The following PDE4B variants were observed in gnomAD, a reference collection of about 807,000 sequenced individuals.
The protein encoded by PDE4B is phosphodiesterase 4B.
PDE4B carries 20 observed loss-of-function variants against 82.2 expected under a neutral mutation model. That is an observed-to-expected ratio of 0.24 (90% CI 0.17 to 0.35). PDE4B has a LOEUF of 0.35. Ranked by LOEUF, PDE4B falls within the 10% of genes least tolerant of loss-of-function variation. PDE4B has a pLI of 1.00. For missense variants in PDE4B, 655 were observed against 907.2 expected (o/e 0.72, Z 3.57); for synonymous variants, 320 against 318.9 (o/e 1.00, Z -0.04).
At chr1:66,147,943 T>TG (rs963629802) in intron 3 of PDE4B, among the ~76,000 whole-genome samples, 20 of 152,294 alleles carry the variant, frequency 1.3e-4, no homozygotes, top group African/African-American at 4.8e-4. Context: ...TTCTCTTCTT[T>TG]GGGGCATCAC....
intron 3 of PDE4B, among the ~76,000 whole-genome samples, chr1:66,176,893 C>G (rs1307072510): frequency 6.6e-6 from 1 of 152,190 alleles, no homozygotes; most frequent in Non-Finnish European, 1.5e-5. Flanking sequence ...CTCTTTTGCT[C>G]TCTGGTCAGT....
intron 3 of PDE4B, among the ~76,000 whole-genome samples, chr1:66,087,422 AATTTTCTCCC>A (rs910323900): frequency 5.5e-4 from 83 of 151,976 alleles, no homozygotes; most frequent in Admixed American, 1.5e-3. Flanking sequence ...AGGTTGCGAA[AATTTTCTCCC>A]ATTTTGTAGA....
intron 1 of PDE4B, among the ~76,000 whole-genome samples, chr1:65,882,953 G>C (rs1025229934): frequency 2.0e-5 from 3 of 152,086 alleles, no homozygotes; most frequent in Non-Finnish European, 2.9e-5. Flanking sequence ...ACTGAACTTG[G>C]AATTTATGTC....
chr1:65,898,095 G>A (rs774455019), intron 1 of PDE4B, among the ~76,000 whole-genome samples: 1 of 152,048 alleles, frequency 6.6e-6, no homozygotes, highest in Non-Finnish European at 1.5e-5. Context: ...TAGTGATGTT[G>A]AGCATTTATT....
At chr1:65,873,234 G>T (rs1646594701) in intron 1 of PDE4B, among the ~76,000 whole-genome samples, 1 of 152,174 alleles carries the variant, frequency 6.6e-6, no homozygotes, top group Non-Finnish European at 1.5e-5. Context: ...TTGAAGTTGT[G>T]TGTAGTGGGA....
chr1:66,350,105 G>GGCACAGAATGCATTCAGT (rs1661707784), intron 8 of PDE4B, among the ~76,000 whole-genome samples: 2 of 151,880 alleles, frequency 1.3e-5, no homozygotes, highest in South Asian at 2.1e-4. Flanking sequence ...ATGCACTGAA[G>GGCACAGAATGCATTCAGT]GCATTCTGTG....
At chr1:66,090,617 A>G (rs796212607) in intron 3 of PDE4B, among the ~76,000 whole-genome samples, 4,290 of 17,722 alleles carry the variant, frequency 0.24, 160 homozygotes, top group African/African-American at 0.33. Flanking sequence ...TATGTATATA[A>G]TATATGTGTG....
At position 66,114,515 on chromosome 1, in the gene PDE4B, C is replaced by T. The variant is rs530969080; in HGVS notation, c.282-132945C>T. Among the ~76,000 whole-genome samples the T allele has an allele frequency of 1.8e-4, 28 of 152,046 alleles. No homozygotes were observed. In the South Asian group the frequency reaches 1.9e-3, roughly 10 times the overall value. ...TTTTATTATTAGTCTGAAAAAATAA[C>T]GTAACTTATATGCAAATTATACAAG... On this transcript the variant is annotated intron_variant, in intron 3 of 16. Transcript: ENST00000341517.
chr1:65,962,225 CAAAGT>C (rs1443889660), intron 3 of PDE4B, among the ~76,000 whole-genome samples: 8 of 152,082 alleles, frequency 5.3e-5, no homozygotes, highest in Admixed American at 5.2e-4. Context: ...TATGGGTACT[CAAAGT>C]AAGGTTTCTA....
intron 3 of PDE4B, among the ~76,000 whole-genome samples, chr1:66,160,531 T>C (rs1444125063): frequency 6.6e-6 from 1 of 152,234 alleles, no homozygotes; most frequent in Non-Finnish European, 1.5e-5. Context: ...CCTTCTGCTC[T>C]GTCCAGTGCA....
chr1:66,354,913 G>A, intron 8 of PDE4B: 1 of 1,533,392 alleles, frequency 6.5e-7, no homozygotes, highest in Admixed American at 2.0e-5. Context: ...ATTTGATTGT[G>A]TTCTGTGTCT....
At chr1:66,041,608 A>G (rs936729015) in intron 3 of PDE4B, among the ~76,000 whole-genome samples, 4 of 151,890 alleles carry the variant, frequency 2.6e-5, no homozygotes, top group Non-Finnish European at 4.4e-5. Context: ...ACGGGGCTCA[A>G]TGTCCTATAG....
chr1:65,920,983 T>C (rs1280186424), intron 3 of PDE4B, among the ~76,000 whole-genome samples: 11 of 142,682 alleles, frequency 7.7e-5, no homozygotes, highest in Admixed American at 6.3e-4. Context: ...TTTTTTTTTT[T>C]TTTGAGACGG....
At position 66,042,704 on chromosome 1, in the gene PDE4B, G is replaced by A. The variant is rs934335705; in HGVS notation, c.281+123869G>A. The A allele has an allele frequency of 3.3e-5, 5 of 151,620 alleles. No homozygotes were observed. In the East Asian group the frequency reaches 5.8e-4, roughly 18 times the overall value. 9.4% of individuals were successfully genotyped at this position (151,620 alleles called of 1,614,324 possible). A position where few individuals can be genotyped will look rare whatever the true frequency, so the allele number is the denominator to read the frequency against. On this transcript the variant is annotated intron_variant, in intron 3 of 16. Transcript: ENST00000341517. ...TCAAGCAGTCTGGACTTAATAAGAC[G>A]TTTCCCTGGCATTCAAAAGTTTTTG...
At chr1:65,927,540 A>G (rs1647577977) in intron 3 of PDE4B, among the ~76,000 whole-genome samples, 1 of 149,036 alleles carries the variant, frequency 6.7e-6, no homozygotes, top group Non-Finnish European at 1.5e-5. Context: ...TATTATCTTT[A>G]TCACATCTGG....
chr1:66,056,560 T>C (rs985728243), intron 3 of PDE4B, among the ~76,000 whole-genome samples: 1 of 151,398 alleles, frequency 6.6e-6, no homozygotes, highest in Non-Finnish European at 1.5e-5. Context: ...TCTATCTATA[T>C]CCTTACTTGG....
rs139885253 is a variant in PDE4B, at chr1:66,047,260, AC to A, written c.281+128427del. Among the ~76,000 whole-genome samples the A allele has an allele frequency of 9.9e-3, 1,502 of 151,894 alleles. 28 individuals are homozygous for A. Among genetic ancestry groups the A allele is most frequent in the African/African-American group, 0.034 (1,425 of 41,476 alleles). On this transcript the variant is annotated intron_variant, in intron 3 of 16. Transcript: ENST00000341517. ...CTGCTTACTGGTTATATTCTACTTA[AC>A]CTTTATTTGCCTCAGTTTCTTCATC...
intron 15 of PDE4B, among the ~76,000 whole-genome samples, chr1:66,368,433 C>A (rs1663411168): frequency 6.6e-6 from 1 of 152,228 alleles, no homozygotes; most frequent in Non-Finnish European, 1.5e-5. Flanking sequence ...TCTCCTCTTT[C>A]CACAAGTGGA....
chr1:66,258,145 G>C (rs1654392253), intron 6 of PDE4B, among the ~76,000 whole-genome samples: 1 of 152,122 alleles, frequency 6.6e-6, no homozygotes, highest in Non-Finnish European at 1.5e-5. Flanking sequence ...AATTTTCGTT[G>C]ACTTTTACAT....
Sources: gnomAD v4.1 joint callset for allele counts (sites outside exome capture counted in the v4.1 genomes callset) on GRCh38, gnomAD v4.1.1 for gene constraint, MANE v1.5 for transcripts, NCBI Gene and HGNC (gene_info 2026-07-23, HGNC 2026-07-21) for gene names.